The following BTNL8 variants were observed in gnomAD, a reference collection of about 807,000 sequenced individuals.
BTNL8 encodes butyrophilin-like protein 8.
BTNL8 carries 22 observed loss-of-function variants against 36.1 expected under a neutral mutation model. That is an observed-to-expected ratio of 0.61 (90% confidence interval 0.44 to 0.87). BTNL8 has a LOEUF of 0.87. BTNL8 is among the 40% of genes least tolerant of loss of function. The pLI, the probability that BTNL8 is intolerant of heterozygous loss-of-function variation, is 0.00. For missense variants in BTNL8, 526 were observed against 616.9 expected (o/e 0.85, Z 1.56); for synonymous variants, 203 against 235.6 (o/e 0.86, Z 1.27).
intron 3 of BTNL8, among the ~76,000 whole-genome samples, chr5:180,942,872 C>T (rs1346507493): frequency 2.0e-5 from 3 of 152,014 alleles, no homozygotes; most frequent in African/African-American, 7.3e-5. Flanking sequence ...GGACATTGGA[C>T]TGGGCAATAA....
chr5:180,925,614 A>G (rs901064893), intron 3 of BTNL8, among the ~76,000 whole-genome samples: 1 of 152,242 alleles, frequency 6.6e-6, no homozygotes, highest in Non-Finnish European at 1.5e-5. Context: ...AGCTATGGTA[A>G]TTAATCATTA....
intron 7 of BTNL8, 23 bp from the exon 8 acceptor site, chr5:180,949,881 C>T: frequency 7.0e-7 from 1 of 1,437,750 alleles, no homozygotes; most frequent in Non-Finnish European, 9.6e-7. Context: ...CTCATGCTTC[C>T]TCTCTCCCCC....
intron 1 of BTNL8, among the ~76,000 whole-genome samples, chr5:180,906,170 G>T (rs1197756356): frequency 3.4e-5 from 5 of 147,382 alleles, no homozygotes; most frequent in Admixed American, 6.7e-5. Flanking sequence ...TCTCTTTGTA[G>T]GTCACTCAGG....
Position 180,950,601 on chromosome 5 carries a change from A to G in BTNL8, c.*57A>G. On this transcript the variant is annotated 3_prime_UTR_variant, in exon 8 of 8. Coordinates refer to ENST00000340184, the MANE Select transcript of BTNL8 (RefSeq NM_001040462.3). ...ATATTAAGGTCTCTCTCCCAGATCCAAAGTCCCGCAGCAGCCGGCCAAGGT... is the reference window on the plus strand; with the variant it reads ...ATATTAAGGTCTCTCTCCCAGATCCGAAGTCCCGCAGCAGCCGGCCAAGGT... 7.0e-7 allele frequency: 1 copy of G among 1,426,486 alleles called. No individual in the cohort carries two copies. Among genetic ancestry groups the G allele is most frequent in the Non-Finnish European group, 9.6e-7 (1 of 1,039,930 alleles). 88.4% of individuals were successfully genotyped at this position (1,426,486 alleles called of 1,614,324 possible).
Position 180,949,269 on chromosome 5 carries a change from C to G in BTNL8, c.862+4C>G. 2 of 1,460,886 alleles carry G rather than the reference C, an allele frequency of 1.4e-6. No individual in the cohort carries two copies. The highest frequency in any genetic ancestry group is 1.9e-6 in the Non-Finnish European group (2 of 1,058,234). The allele number at this position is 1,460,886 out of a possible 1,614,324, so 90.5% of individuals were successfully genotyped here. On this transcript the variant is annotated splice_donor_region_variant and intron_variant, in intron 7 of 7. Transcript: ENST00000340184. The stretch of plus-strand genomic sequence containing the variant: ...AGAGACGCCCGGAAACACGCAGGTA[C>G]CAACGCCTGAGAGGGTGACAGTGGG...
At chr5:180,920,758 A>G (rs964748976) in intron 3 of BTNL8, among the ~76,000 whole-genome samples, 3 of 152,090 alleles carry the variant, frequency 2.0e-5, no homozygotes, top group Admixed American at 6.5e-5. Flanking sequence ...AAATATTCCA[A>G]TTTTTACAAT....
intron 3 of BTNL8, among the ~76,000 whole-genome samples, chr5:180,945,591 A>G (rs1455692005): frequency 1.3e-5 from 2 of 152,250 alleles, no homozygotes; most frequent in Non-Finnish European, 2.9e-5. Flanking sequence ...CAAAATATAT[A>G]AGAAATTCAA....
Position 180,899,344 on chromosome 5 carries a change from C to T in BTNL8, c.34C>T (p.Leu12Phe), listed in dbSNP as rs1756725697. 1 of 1,614,014 alleles carries T rather than the reference C, an allele frequency of 6.2e-7. No individual in the cohort carries two copies. The highest frequency in any genetic ancestry group is 1.7e-5 in the Admixed American group (1 of 60,000). ...ALMLSLVLSL[L>F]KLGSGQWQVF... The stretch of plus-strand genomic sequence containing the variant: ...CATGCTCAGTTTGGTTCTGAGTCTC[C>T]TCAAGCTGGGATCAGGTAAGACTCA... The change falls in exon 1 of 8, where the codon CTC becomes TTC. Residue 12 changes from leucine to phenylalanine, a missense_variant. Leu to Phe is a conservative substitution (Grantham distance 22, BLOSUM62 0). Coordinates refer to ENST00000340184, the MANE Select transcript of BTNL8 (RefSeq NM_001040462.3).
At chr5:180,921,994 T>C (rs1757887642) in intron 3 of BTNL8, among the ~76,000 whole-genome samples, 1 of 152,164 alleles carries the variant, frequency 6.6e-6, no homozygotes, top group Admixed American at 6.5e-5. Flanking sequence ...GAGGTGTTCA[T>C]AATAGTCTCT....
chr5:180,950,044 A>G lies in BTNL8; in HGVS notation c.1003A>G (p.Ser335Gly), dbSNP rs372387302. Residue 335 changes from serine to glycine, a missense_variant, in exon 8 of 8, where the codon AGT (serine) becomes GGT (glycine). By Grantham distance (56) the Ser-to-Gly change is moderately conservative. This residue lies in a region of BTNL8 where 176 missense variants were observed against 292.3 expected (regional missense o/e 0.60). Transcript: ENST00000340184. ...AAGGAAGAGTGTGGTGGCTTCTCAG[A>G]GTTTCCAAGCAGGGAAACATTACTG... is the stretch of plus-strand genomic sequence containing the variant. ...FTRKSVVASQ[S>G]FQAGKHYWEV... 9.8e-5 allele frequency: 144 copies of G among 1,462,180 alleles called. 21 individuals carry two copies. The highest frequency in any genetic ancestry group is 5.7e-4 in the South Asian group (51 of 89,218). 90.6% of individuals were successfully genotyped at this position (1,462,180 alleles called of 1,614,324 possible).
chr5:180,911,422 C>G lies in BTNL8; in HGVS notation c.481C>G (p.Pro161Ala). 6.2e-7 allele frequency: 1 copy of G among 1,614,172 alleles called. No homozygotes were observed. The highest frequency in any genetic ancestry group is 1.7e-5 in the Admixed American group (1 of 60,016). ...QLLCQSSGWF[P>A]RPTAKWKGPQ... ...ACTCTGTCAGTCCTCGGGCTGGTTC[C>G]CCCGGCCCACAGCGAAGTGGAAAGG... Residue 161 changes from proline (P) to alanine (A), a missense_variant, in exon 3 of 8, where the codon CCC becomes GCC. Physicochemically the swap from Pro to Ala is conservative, Grantham distance 27 (BLOSUM62 -1). This residue lies in a region of BTNL8 where 350 missense variants were observed against 324.6 expected (regional missense o/e 1.08). Transcript: ENST00000340184.
rs1756911169 is a variant in BTNL8, at chr5:180,903,287, T to G, written c.49+3928T>G. The stretch of plus-strand genomic sequence containing the variant: ...CTCTGATGGCCAGTGATGATGAACA[T>G]TTTTTCATGTGTTTTTTGGCTGCAT... On this transcript the variant is annotated intron_variant, in intron 1 of 7. Coordinates refer to ENST00000340184, the MANE Select transcript of BTNL8 (RefSeq NM_001040462.3). Among the ~76,000 whole-genome samples, 3 of 117,760 alleles carry G rather than the reference T, an allele frequency of 2.5e-5. 1 individual carries two copies. The highest frequency in any genetic ancestry group is 8.3e-5 in the Admixed American group (1 of 12,096). The allele number at this position is 117,760 out of a possible 152,430, so 77.3% of individuals were successfully genotyped here.
At chr5:180,936,591 A>T (rs1018777436) in intron 3 of BTNL8, among the ~76,000 whole-genome samples, 7 of 152,256 alleles carry the variant, frequency 4.6e-5, no homozygotes, top group African/African-American at 1.7e-4. Context: ...AGAAAACACA[A>T]GCAAATGGAA....
intron 4 of BTNL8, 53 bp downstream of exon 4, chr5:180,947,678 G>T (rs552118493): frequency 5.5e-5 from 89 of 1,614,186 alleles, no homozygotes; most frequent in Middle Eastern, 3.3e-4. Flanking sequence ...TTCCAGCAGG[G>T]ACAGGATCAG....
intron 1 of BTNL8, among the ~76,000 whole-genome samples, chr5:180,907,754 G>A (rs1238200274): frequency 2.6e-5 from 4 of 152,036 alleles, no homozygotes; most frequent in East Asian, 1.9e-4. Flanking sequence ...ACCCTCAGCT[G>A]CAGGTCTGTT....
chr5:180,926,677 T>G (rs145431049), intron 3 of BTNL8, among the ~76,000 whole-genome samples: 26,484 of 152,188 alleles, frequency 0.17, 3,694 homozygotes, highest in African/African-American at 0.39. Context: ...TAGGCAGTTT[T>G]TCCCTCACAG....
intron 3 of BTNL8, among the ~76,000 whole-genome samples, chr5:180,918,261 G>T (rs1393060022): frequency 6.6e-6 from 1 of 151,954 alleles, no homozygotes; most frequent in Non-Finnish European, 1.5e-5. Flanking sequence ...CCAAATTCAT[G>T]ATAAAAAGAA....
intron 3 of BTNL8, among the ~76,000 whole-genome samples, chr5:180,942,611 G>C (rs750488414): frequency 9.9e-5 from 15 of 152,024 alleles, no homozygotes; most frequent in Non-Finnish European, 1.9e-4. Flanking sequence ...GAATGAGACA[G>C]AATACAAAAC....
Position 180,950,483 on chromosome 5 carries a change from C to G in BTNL8, c.1442C>G (p.Thr481Arg). ...SWQRASAIPE[T>R]SNSESSSQAT... ...CAAAGGGCCTCTGCAATCCCAGAGA[C>G]AAGCAACAGTGAGTCCTCCTCACAG... Residue 481 changes from threonine to arginine, a missense_variant, in exon 8 of 8, where the codon ACA (threonine) becomes AGA (arginine). Physicochemically the swap from Thr to Arg is moderately conservative, Grantham distance 71. Around this residue, in one of 2 missense-constraint regions of BTNL8, gnomAD observed 176 missense variants for 292.3 expected, o/e 0.60. Transcript: ENST00000340184. 2.7e-6 allele frequency: 4 copies of G among 1,463,840 alleles called. 2 individuals are homozygous for G. The highest frequency in any genetic ancestry group is 3.8e-6 in the Non-Finnish European group (4 of 1,059,250). 90.7% of individuals were successfully genotyped at this position (1,463,840 alleles called of 1,614,324 possible).
Sources: allele counts gnomAD v4.1 joint callset (sites outside exome capture counted in the v4.1 genomes callset), GRCh38; gene constraint gnomAD v4.1.1; regional missense constraint gnomAD v4.1.1; transcripts MANE v1.5; gene names NCBI Gene and HGNC (gene_info 2026-07-23, HGNC 2026-07-21).